FBXO42: variants seen among roughly 807,000 people sequenced by gnomAD.
The protein encoded by FBXO42 is F-box protein 42, also known as F-box only protein 42.
A neutral mutation model predicts 71.7 loss-of-function variants in FBXO42; 12 were observed. That is an observed-to-expected ratio of 0.17 (90% CI 0.11 to 0.27). The LOEUF is 0.27. Ranked by LOEUF, FBXO42 falls within the 10% of genes least tolerant of loss-of-function variation. The pLI is 1.00. For missense variants in FBXO42, 707 were observed against 911.9 expected (o/e 0.78, Z 2.89); for synonymous variants, 325 against 327.5 (o/e 0.99, Z 0.08).
At chr1:16,306,829 G>A (rs1454105261) in intron 2 of FBXO42, among the ~76,000 whole-genome samples, 1 of 152,150 alleles carries the variant, frequency 6.6e-6, no homozygotes, top group Non-Finnish European at 1.5e-5. Flanking sequence ...CTCCTGGGTA[G>A]CAGGCACTAC....
At chr1:16,350,755 A>AG (rs1232930879) in intron 1 of FBXO42, among the ~76,000 whole-genome samples, 1,759 of 143,188 alleles carry the variant, frequency 0.012, 18 homozygotes, top group Middle Eastern at 0.018. Flanking sequence ...AAAAAAAAAA[A>AG]AAAAAGAAAG....
intron 4 of FBXO42, among the ~76,000 whole-genome samples, chr1:16,265,256 T>C (rs542751861): frequency 6.6e-6 from 1 of 152,178 alleles, no homozygotes; most frequent in East Asian, 1.9e-4. Flanking sequence ...ACCAAGTGGC[T>C]AATTTTGTAT....
intron 3 of FBXO42, 119 bp from the exon 4 acceptor site, chr1:16,295,036 C>T (rs1569874227): frequency 8.5e-7 from 1 of 1,177,756 alleles, no homozygotes; most frequent in East Asian, 2.6e-5. Flanking sequence ...TTACCAAGTA[C>T]CAAATTTCTA....
At chr1:16,282,168 G>A (rs897045912) in intron 4 of FBXO42, among the ~76,000 whole-genome samples, 2 of 151,934 alleles carry the variant, frequency 1.3e-5, no homozygotes, top group Non-Finnish European at 2.9e-5. Context: ...AGATATCATA[G>A]GGCTCCAGGA....
chr1:16,266,604 A>C (rs1398572561), intron 4 of FBXO42, among the ~76,000 whole-genome samples: 1 of 152,124 alleles, frequency 6.6e-6, no homozygotes, highest in African/African-American at 2.4e-5. Flanking sequence ...TACCCCACAG[A>C]TGCTGTTTTT....
chr1:16,314,936 A>C (rs2082349599), intron 2 of FBXO42, among the ~76,000 whole-genome samples: 1 of 152,158 alleles, frequency 6.6e-6, no homozygotes, highest in African/African-American at 2.4e-5. Context: ...CTCTAAGAAT[A>C]TGAAGCTTTT....
chr1:16,290,003 T>C (rs1287931479), intron 4 of FBXO42, among the ~76,000 whole-genome samples: 1 of 152,222 alleles, frequency 6.6e-6, no homozygotes, highest in Non-Finnish European at 1.5e-5. Flanking sequence ...TTCTTGTTTC[T>C]TTCCCGTTAC....
chr1:16,272,213 T>C (rs2081855075), intron 4 of FBXO42, among the ~76,000 whole-genome samples: 1 of 148,798 alleles, frequency 6.7e-6, no homozygotes, highest in Non-Finnish European at 1.5e-5. Flanking sequence ...TCTAACAGCA[T>C]GAAGTCTGGC....
intron 3 of FBXO42, among the ~76,000 whole-genome samples, chr1:16,297,955 G>C (rs1380957211): frequency 6.6e-6 from 1 of 151,780 alleles, no homozygotes; most frequent in Non-Finnish European, 1.5e-5. Context: ...GCTGGGCACA[G>C]TGGCTCATGC....
chr1:16,315,317 T>C lies in FBXO42; in HGVS notation c.102A>G (p.Pro34=), dbSNP rs765146240. 22 of 1,614,036 alleles carry C rather than the reference T, an allele frequency of 1.4e-5. No homozygotes were observed. The highest frequency in any genetic ancestry group is 5.0e-5 in the Admixed American group (3 of 59,986). The change falls in exon 2 of 10, where the codon CCA becomes CCG. Residue 34 remains proline (P), a synonymous_variant. Coordinates refer to ENST00000375592, the MANE Select transcript of FBXO42 (RefSeq NM_018994.3). ...GTMDQDEEPH[P]VLEAEETRHN... The stretch of plus-strand genomic sequence containing the variant: ...GTCTAGTCTCCTCAGCCTCCAATAC[T>C]GGGTGGGGCTCCTCATCTTGATCCA...
intron 4 of FBXO42, among the ~76,000 whole-genome samples, chr1:16,272,952 T>C (rs949781654): frequency 6.6e-6 from 1 of 152,204 alleles, no homozygotes; most frequent in African/African-American, 2.4e-5. Flanking sequence ...TTTTTGTTTC[T>C]TTCAGATTCC....
In FBXO42 at chr1:16,315,386, A is replaced by G; in HGVS notation, c.33T>C (p.Ser11=). The G allele has an allele frequency of 1.2e-6, 2 of 1,614,162 alleles. No homozygotes were observed. Among genetic ancestry groups the G allele is most frequent in the Non-Finnish European group, 1.7e-6 (2 of 1,180,018 alleles). Residue 11 remains serine, a synonymous_variant, in exon 2 of 10, where the codon AGT becomes AGC. Transcript: ENST00000375592. The part of the protein sequence containing the change: MASSSDSEDD[S]FMAVDQEETV... Reference sequence around the variant, plus strand: ...TTTCTTCCTGGTCCACAGCCATGAAACTGTCATCTTCACTGTCCGAGGAGC... The same window carrying G: ...TTTCTTCCTGGTCCACAGCCATGAAGCTGTCATCTTCACTGTCCGAGGAGC...
intron 4 of FBXO42, among the ~76,000 whole-genome samples, chr1:16,272,670 G>T (rs1283743736): frequency 6.6e-6 from 1 of 152,210 alleles, no homozygotes; most frequent in Non-Finnish European, 1.5e-5. Flanking sequence ...GCCACACTTT[G>T]ATCCCTAACT....
intron 1 of FBXO42, among the ~76,000 whole-genome samples, chr1:16,341,634 A>C (rs1030997136): frequency 8.4e-6 from 1 of 119,706 alleles, no homozygotes; most frequent in South Asian, 2.8e-4. Flanking sequence ...AAAAAAAAAA[A>C]GTGGCAGTAA....
At chr1:16,350,757 A>AGAAAGAAAAGAAAGAAAGAAAG (rs1553156684) in intron 1 of FBXO42, among the ~76,000 whole-genome samples, 5 of 44,248 alleles carry the variant, frequency 1.1e-4, no homozygotes, top group Non-Finnish European at 2.1e-4. Context: ...AAAAAAAAAA[A>AGAAAGAAAAGAAAGAAAGAAAG]AAAGAAAGAA....
rs1553154813 is a variant in FBXO42 at position 16,326,032 on chromosome 1, G to GTC, written c.-17-10598_-17-10597insGA. On this transcript the variant is annotated intron_variant, in intron 1 of 9. Coordinates refer to ENST00000375592, the MANE Select transcript of FBXO42 (RefSeq NM_018994.3). ...CCCAAATTTGTGTGTGTGTGTGTGT[G>GTC]TGTGTGTGTGTGTGTGTCTGTGTGT... 1.7e-3 allele frequency among the ~76,000 whole-genome samples: 254 copies of GTC among 150,424 alleles called. 3 individuals are homozygous for GTC. The highest frequency in any genetic ancestry group is 4.4e-3 in the African/African-American group (179 of 41,138).
At chr1:16,271,258 GGT>G (rs57827739) in intron 4 of FBXO42, among the ~76,000 whole-genome samples, 22,156 of 137,184 alleles carry the variant, frequency 0.16, 1,966 homozygotes, top group Admixed American at 0.3. Context: ...TGTGTGTGTT[GGT>G]GTGTGTGTGT....
intron 4 of FBXO42, among the ~76,000 whole-genome samples, chr1:16,263,896 C>T (rs867665511): frequency 6.7e-5 from 10 of 150,140 alleles, no homozygotes; most frequent in Admixed American, 3.3e-4. Context: ...CTGCAACTTC[C>T]ACCTCCCAGG....
intron 4 of FBXO42, among the ~76,000 whole-genome samples, chr1:16,284,186 C>A (rs1338240455): frequency 6.6e-6 from 1 of 152,166 alleles, no homozygotes; most frequent in African/African-American, 2.4e-5. Context: ...TTTCTAGAAC[C>A]ATTTGGCAAA....
Sources: gnomAD v4.1 joint callset for allele counts (sites outside exome capture counted in the v4.1 genomes callset) on GRCh38, gnomAD v4.1.1 for gene constraint, MANE v1.5 for transcripts, NCBI Gene and HGNC (gene_info 2026-07-23, HGNC 2026-07-21) for gene names.